Variants in CKM observed in about 807,000 individuals in gnomAD.
CKM encodes the protein creatine kinase M-type.
In CKM, 28 loss-of-function variants were observed where a neutral mutation model predicts 35.4. That is an observed-to-expected ratio of 0.79 (90% CI 0.59 to 1.08). CKM has a LOEUF of 1.08. Among genes scored for constraint, CKM ranks in the 50% least tolerant of loss-of-function variants. CKM has a pLI of 0.00. For missense variants in CKM, 484 were observed against 509.8 expected, an observed-to-expected ratio of 0.95 and a Z score of 0.49; for synonymous variants, 215 against 204.4, an observed-to-expected ratio of 1.05 and a Z score of -0.44.
Position 45,306,632 on chromosome 19 carries a change from A to T in CKM, c.*118T>A. 1 of 1,025,896 alleles carries T rather than the reference A, an allele frequency of 9.7e-7. No homozygotes were observed. Among genetic ancestry groups the T allele is most frequent in the South Asian group, 1.4e-5 (1 of 73,958 alleles). The allele number at this position is 1,025,896 out of a possible 1,614,324, so 63.5% of individuals were successfully genotyped here. ...CTGGAACTCTGAGAAGGGTGGAGAG[A>T]GCCCCCAGGTGGGACTCTGGGACAG... is the stretch of plus-strand genomic sequence containing the variant. On this transcript the variant is annotated 3_prime_UTR_variant, in exon 8 of 8. Coordinates refer to ENST00000221476, the MANE Select transcript of CKM (RefSeq NM_001824.5). This position sits in a 1 kb window ranked among gnomAD's most constrained non-coding sequence, Gnocchi z 4.5.
At chr19:45,309,266 C>T (rs1412391426) in intron 5 of CKM, among the ~76,000 whole-genome samples, 1 of 140,152 alleles carries the variant, frequency 7.1e-6, no homozygotes, top group Non-Finnish European at 1.5e-5. Context: ...TATTAAGATC[C>T]GGAAATGGCC....
At chr19:45,319,853 C>G (rs978585934) in intron 1 of CKM, 122 bp from the exon 2 acceptor site, 3 of 739,562 alleles carry the variant, frequency 4.1e-6, no homozygotes, top group Admixed American at 2.5e-5. Flanking sequence ...TGCAGTGGCA[C>G]GATCTCGGCT....
rs1338076880 is a variant in CKM at position 45,308,440 on chromosome 19, AC to A, written c.745del (p.Val249PhefsTer7). 1 of 1,613,314 alleles carries A rather than the reference AC, an allele frequency of 6.2e-7. No individual in the cohort carries two copies. The highest frequency in any genetic ancestry group is 8.5e-7 in the Non-Finnish European group (1 of 1,179,822). The stretch of plus-strand genomic sequence containing the variant: ...CAGCCCTACGCAGAAGCGGCGGAAA[AC>A]CTCCTTCATGTTGCCCCCCTTCTCC... ...SMEKGGNMKE[V>X]FRRFCVGLQK... is the part of the protein sequence containing the mutation. On this transcript the variant is annotated frameshift_variant, in exon 6 of 8. Coordinates refer to ENST00000221476, the MANE Select transcript of CKM (RefSeq NM_001824.5). LOFTEE classifies it high-confidence loss of function.
At chr19:45,307,811 A>G (rs924434432) in intron 6 of CKM, among the ~76,000 whole-genome samples, 161 bp from the exon 7 acceptor site, 5 of 150,134 alleles carry the variant, frequency 3.3e-5, no homozygotes, top group Non-Finnish European at 5.9e-5. Context: ...TGGCTAGACA[A>G]TGGGGACCAA....
In CKM at chr19:45,306,990, GC is replaced by G; in HGVS notation, c.968-63del. The G allele has an allele frequency of 6.4e-7, 1 of 1,566,764 alleles. No individual in the cohort carries two copies. On this transcript the variant is annotated intron_variant, in intron 7 of 7. Transcript: ENST00000221476. The surrounding 1 kb of genome is among the most constrained non-coding windows in gnomAD (Gnocchi z 4.5). ...GAAGGTGCAGAGGGGCTGGGACGTGGCCCCCGTGCCAAATGCAACAGCCGCA... is the reference window on the plus strand; with the variant it reads ...GAAGGTGCAGAGGGGCTGGGACGTGGCCCCGTGCCAAATGCAACAGCCGCA...
At position 45,315,487 on chromosome 19, in the gene CKM, C is replaced by A. The variant is rs370802777; in HGVS notation, c.459G>T (p.Ala153=). Residue 153 remains alanine, a synonymous_variant, in exon 4 of 8, where the codon GCG becomes GCT. Transcript: ENST00000221476. ...CACCTTCCACAGAGAGCTTCTCCAC[C>A]GCCCGGCGCTCGCCACGGGAGCAGT... ...PPHCSRGERR[A]VEKLSVEALN... is the part of the protein sequence containing the mutation. 6 of 1,599,332 alleles carry A rather than the reference C, an allele frequency of 3.8e-6. No homozygotes were observed. The Middle Eastern group carries it at 4.9e-4, about 132-fold the overall frequency.
At position 45,308,456 on chromosome 19, in the gene CKM, C is replaced by A. The variant is rs755762549; in HGVS notation, c.730G>T (p.Gly244Cys). The A allele has an allele frequency of 2.5e-6, 4 of 1,614,152 alleles. No homozygotes were observed. The Admixed American group carries it at 6.7e-5, about 27-fold the overall frequency. The change falls in exon 6 of 8, where the codon GGC becomes TGC. Residue 244 changes from glycine to cysteine, a missense_variant. Physicochemically the swap from Gly to Cys is radical, Grantham distance 159. Coordinates refer to ENST00000221476, the MANE Select transcript of CKM (RefSeq NM_001824.5). ...CGGCGGAAAACCTCCTTCATGTTGC[C>A]CCCCTTCTCCATGGAGATGACCCGG... is the stretch of plus-strand genomic sequence containing the variant. The part of the protein sequence containing the change: ...HLRVISMEKG[G>C]NMKEVFRRFC...
At chr19:45,312,995 T>G (rs1265506388) in intron 4 of CKM, among the ~76,000 whole-genome samples, 1 of 151,926 alleles carries the variant, frequency 6.6e-6, no homozygotes, top group Non-Finnish European at 1.5e-5. Context: ...TATTTGTATA[T>G]TCATGTATAA....
At chr19:45,310,999 G>C (rs1276746483) in intron 5 of CKM, among the ~76,000 whole-genome samples, 23 of 144,400 alleles carry the variant, frequency 1.6e-4, no homozygotes, top group South Asian at 4.4e-4. Context: ...CCAGGATGGT[G>C]TCAATCTCCT....
At chr19:45,315,394 G>C in intron 4 of CKM, 71 bp downstream of exon 4, 1 of 1,556,884 alleles carries the variant, frequency 6.4e-7, no homozygotes, top group South Asian at 1.1e-5. Flanking sequence ...AAAGAGACCC[G>C]AGGACCTGCC....
intron 6 of CKM, among the ~76,000 whole-genome samples, chr19:45,307,852 C>T (rs530250349): frequency 2.1e-5 from 3 of 144,990 alleles, no homozygotes; most frequent in African/African-American, 2.6e-5. Context: ...GGACTAAGAA[C>T]GCTTTGAAGG....
chr19:45,314,117 G>T (rs1971134603), intron 4 of CKM, among the ~76,000 whole-genome samples: 1 of 147,126 alleles, frequency 6.8e-6, no homozygotes, highest in Non-Finnish European at 1.5e-5. Flanking sequence ...AAAGGGAAGG[G>T]AAGGGAAGGA....
rs1568510187 is a variant in CKM at position 45,311,761 on chromosome 19, G to GCGT, written c.638_640dup (p.Asp213dup). On this transcript the variant is annotated inframe_insertion, in exon 5 of 8. Transcript: ENST00000221476. ...GGAGGGGCCTCACCAGATGCCACGG[G>GCGT]CGTCGGGCCAGTCGCGGGCCATGCC... The GCGT allele has an allele frequency of 7.6e-6, 12 of 1,586,802 alleles. No individual in the cohort carries two copies. Among genetic ancestry groups the GCGT allele is most frequent in the Non-Finnish European group, 1.0e-5 (12 of 1,167,414 alleles).
Position 45,307,000 on chromosome 19 carries a change from C to A in CKM, c.968-72G>T. 2 of 1,492,232 alleles carry A rather than the reference C, an allele frequency of 1.3e-6. No homozygotes were observed. Among genetic ancestry groups the A allele is most frequent in the Non-Finnish European group, 1.9e-6 (2 of 1,079,280 alleles). The allele number at this position is 1,492,232 out of a possible 1,614,324, so 92.4% of individuals were successfully genotyped here. ...AGGGGCTGGGACGTGGCCCCCGTGC[C>A]AAATGCAACAGCCGCATGTAGTGAG... is the stretch of plus-strand genomic sequence containing the variant. On this transcript the variant is annotated intron_variant, in intron 7 of 7. Transcript: ENST00000221476. This position sits in a 1 kb window ranked among gnomAD's most constrained non-coding sequence, Gnocchi z 4.5.
Position 45,308,526 on chromosome 19 carries a change from A to G in CKM, c.660T>C (p.Asn220=), listed in dbSNP as rs1599814272. ...DWPDARGIWH[N]DNKSFLVWVN... ...CCCACACCAGGAAGCTCTTGTTGTC[A>G]TTGTGCCTAGAGTAAGGTGCCGCAG... The change falls in exon 6 of 8, where the codon AAT becomes AAC. Residue 220 remains asparagine, a synonymous_variant. Transcript: ENST00000221476. The G allele has an allele frequency of 6.2e-7, 1 of 1,613,512 alleles. No individual in the cohort carries two copies. Among genetic ancestry groups the G allele is most frequent in the East Asian group, 2.2e-5 (1 of 44,814 alleles).
intron 5 of CKM, 66 bp from the exon 6 acceptor site, chr19:45,308,598 C>A: frequency 6.2e-7 from 1 of 1,609,126 alleles, no homozygotes; most frequent in Admixed American, 1.7e-5. Context: ...TCCCAGCCCT[C>A]CCCCAAAACA....
rs1301465392 is a variant in CKM, at chr19:45,307,486, G to C, written c.942C>G (p.Arg314=). 1 of 1,613,904 alleles carries C rather than the reference G, an allele frequency of 6.2e-7. No individual in the cohort carries two copies. Among genetic ancestry groups the C allele is most frequent in the Admixed American group, 1.7e-5 (1 of 59,994 alleles). The change falls in exon 7 of 8, where the codon CGC becomes CGG. Residue 314 remains arginine, a synonymous_variant. Transcript: ENST00000221476. ...KHPKFEEILT[R]LRLQKRGTGG... ...CTGTACCCCTCTTCTGCAGACGCAG[G>C]CGGGTGAGGATCTCCTCGAACTTGG... is the stretch of plus-strand genomic sequence containing the variant.
rs1333430800 is a variant in CKM, at chr19:45,317,890, C to G, written c.283G>C (p.Asp95His). 22 of 1,613,858 alleles carry G rather than the reference C, an allele frequency of 1.4e-5. No homozygotes were observed. Among genetic ancestry groups the G allele is most frequent in the Non-Finnish European group, 1.9e-5 (22 of 1,180,014 alleles). ...GTGGGTTTGTAGCCCCCGTGGCGAT[C>G]CGAGATGATGGGGTCAAAGAGTTCC... ...FKELFDPIIS[D>H]RHGGYKPTDK... The change falls in exon 3 of 8, where the codon GAT (aspartate) becomes CAT (histidine). Residue 95 changes from aspartate (D) to histidine (H), a missense_variant. By Grantham distance (81) the Asp-to-His change is moderately conservative. Transcript: ENST00000221476.
chr19:45,311,386 A>T (rs1450809864), intron 5 of CKM, among the ~76,000 whole-genome samples: 4 of 151,744 alleles, frequency 2.6e-5, no homozygotes, highest in Non-Finnish European at 5.9e-5. Flanking sequence ...GGCGCCTGCC[A>T]CTACGCCCAG....
Sources: gnomAD v4.1 joint callset for allele counts (sites outside exome capture counted in the v4.1 genomes callset) on GRCh38, gnomAD v4.1.1 for gene constraint, Gnocchi (gnomAD v3.1) non-coding constraint, MANE v1.5 for transcripts, NCBI Gene and HGNC (gene_info 2026-07-23, HGNC 2026-07-21) for gene names.